The following ATG16L1 variants were observed in gnomAD, a reference collection of about 807,000 sequenced individuals.
ATG16L1 encodes autophagy related 16 like 1.
In ATG16L1, 37 loss-of-function variants were observed where a neutral mutation model predicts 88.5. The observed-to-expected ratio is 0.42, with a 90% CI of 0.32 to 0.55. The LOEUF (loss-of-function observed/expected upper bound fraction) is 0.55, where lower values mean the gene tolerates loss of function less well. Ranked by LOEUF, ATG16L1 falls within the 20% of genes least tolerant of loss-of-function variation. The pLI, the probability that ATG16L1 is intolerant of heterozygous loss-of-function variation, is 0.13. For synonymous variants in ATG16L1, 301 were observed against 281.0 expected (o/e 1.07, Z -0.71); for missense variants, 554 against 752.8 (o/e 0.74, Z 3.09).
At position 233,261,651 on chromosome 2, in the gene ATG16L1, G is replaced by A. The variant is rs534372317; in HGVS notation, c.210-1479G>A. 3.6e-5 allele frequency among the ~76,000 whole-genome samples: 5 copies of A among 137,004 alleles called. No individual in the cohort carries two copies. The South Asian group carries it at 7.7e-4, about 21-fold the overall frequency. 89.9% of individuals were successfully genotyped at this position (137,004 alleles called of 152,430 possible). ...TCATATGGAGGGGGCAGTTCTTTCC[G>A]CTCTCATCGGATGTTGGATGAGAGG... On this transcript the variant is annotated intron_variant, in intron 2 of 17. Coordinates refer to ENST00000392017, the MANE Select transcript of ATG16L1 (RefSeq NM_030803.7).
Position 233,293,328 on chromosome 2 carries a change from A to G in ATG16L1, c.1701A>G (p.Lys567=). ...SLYIWSVLTG[K]VEKVLSKQHS... is the part of the protein sequence containing the mutation. Reference sequence around the variant, plus strand: ...ATATCTGGAGTGTGCTCACAGGGAAAGTGGAAAAGGTTCTTTCAAAGCAGC... The same window carrying G: ...ATATCTGGAGTGTGCTCACAGGGAAGGTGGAAAAGGTTCTTTCAAAGCAGC... Residue 567 remains lysine, a synonymous_variant, in exon 17 of 18, where the codon AAA becomes AAG. Transcript: ENST00000392017. 6.2e-7 allele frequency: 1 copy of G among 1,614,178 alleles called. No homozygotes were observed. Among genetic ancestry groups the G allele is most frequent in the Non-Finnish European group, 8.5e-7 (1 of 1,180,040 alleles).
chr2:233,271,529 T>C (rs1350489436), intron 6 of ATG16L1, among the ~76,000 whole-genome samples: 3 of 152,248 alleles, frequency 2.0e-5, no homozygotes, highest in African/African-American at 7.2e-5. Context: ...CTGCCCGCCT[T>C]GGCCTCCCAA....
chr2:233,275,757 G>A (rs750148356), intron 9 of ATG16L1: 1 of 519,230 alleles, frequency 1.9e-6, no homozygotes, highest in South Asian at 1.4e-5. Context: ...AGGTCTGATT[G>A]CACTGAATGT....
chr2:233,289,383 G>GTT, intron 12 of ATG16L1, among the ~76,000 whole-genome samples: 1 of 143,776 alleles, frequency 7.0e-6, no homozygotes, highest in Non-Finnish European at 1.5e-5. Context: ...TGGGATGTGT[G>GTT]TGTGTGTGTG....
intron 1 of ATG16L1, among the ~76,000 whole-genome samples, chr2:233,254,529 G>C (rs1433435393): frequency 6.6e-6 from 1 of 152,196 alleles, no homozygotes; most frequent in Non-Finnish European, 1.5e-5. Flanking sequence ...GCCGTAGGGG[G>C]AGGGAAAGGC....
rs1699699158 is a variant in ATG16L1, at chr2:233,294,773, C to T, written c.*423C>T. The T allele has an allele frequency of 1.3e-5, 2 of 155,340 alleles. No individual in the cohort carries two copies. Among genetic ancestry groups the T allele is most frequent in the African/African-American group, 4.8e-5 (2 of 41,524 alleles). 9.6% of individuals were successfully genotyped at this position (155,340 alleles called of 1,614,324 possible). A position where few individuals can be genotyped will look rare whatever the true frequency, so the allele number is the denominator to read the frequency against. Reference sequence around the variant, plus strand: ...TTCTGGCCTAACGCATGTCCCAACACCTTGGGTTCATTTGCCCGGTGAACT... The same window carrying T: ...TTCTGGCCTAACGCATGTCCCAACATCTTGGGTTCATTTGCCCGGTGAACT... On this transcript the variant is annotated 3_prime_UTR_variant, in exon 18 of 18. Coordinates refer to ENST00000392017, the MANE Select transcript of ATG16L1 (RefSeq NM_030803.7).
rs139138060 is a variant in ATG16L1, at chr2:233,284,508, A to G, written c.1203+1755A>G. ...CACCACACCTGGCTAATTTTTTTGT[A>G]TTTTTAATGGAGATGGGGTTTCACC... On this transcript the variant is annotated intron_variant, in intron 12 of 17. Transcript: ENST00000392017. 3.5e-3 allele frequency among the ~76,000 whole-genome samples: 521 copies of G among 150,930 alleles called. 1 individual carries two copies. The highest frequency in any genetic ancestry group is 7.1e-3 in the Middle Eastern group (2 of 282).
At chr2:233,274,901 A>C in intron 9 of ATG16L1, 123 bp downstream of exon 9, 1 of 638,404 alleles carries the variant, frequency 1.6e-6, no homozygotes, top group East Asian at 3.1e-5. Flanking sequence ...AAGCCTTTCC[A>C]CCTTTTGGCT....
chr2:233,258,374 A>G (rs6431659), intron 2 of ATG16L1, among the ~76,000 whole-genome samples: 93,365 of 151,974 alleles, frequency 0.61, 28,928 homozygotes, highest in Non-Finnish European at 0.66. Flanking sequence ...TGGTCTCCTG[A>G]TAGAGGACAG....
intron 5 of ATG16L1, among the ~76,000 whole-genome samples, chr2:233,269,199 G>A (rs1369484547): frequency 2.0e-5 from 3 of 152,212 alleles, no homozygotes; most frequent in South Asian, 2.1e-4. Context: ...GACATTTCAA[G>A]AATCTCACTA....
At chr2:233,281,310 A>G (rs951953124) in intron 11 of ATG16L1, 135 bp downstream of exon 11, 4 of 683,368 alleles carry the variant, frequency 5.9e-6, no homozygotes, top group Admixed American at 3.5e-5. Context: ...TTAAAGAAAG[A>G]TGGAAATAGA....
chr2:233,282,643 T>A (rs374993917), intron 11 of ATG16L1, 39 bp from the exon 12 acceptor site: 2 of 1,560,570 alleles, frequency 1.3e-6, no homozygotes, highest in African/African-American at 2.7e-5. Context: ...TTCCTCTGAT[T>A]TGGCTAAAAA....
chr2:233,257,395 A>G (rs1434200039), intron 2 of ATG16L1, among the ~76,000 whole-genome samples: 1 of 152,192 alleles, frequency 6.6e-6, no homozygotes, highest in Non-Finnish European at 1.5e-5. Flanking sequence ...CTGTGCTTTG[A>G]GTATCCATCC....
At chr2:233,260,685 T>A (rs1473794004) in intron 2 of ATG16L1, among the ~76,000 whole-genome samples, 1 of 152,214 alleles carries the variant, frequency 6.6e-6, no homozygotes, top group Non-Finnish European at 1.5e-5. Context: ...TGGAAAGAGC[T>A]GTATCCTGCT....
chr2:233,257,713 A>G (rs1696891790), intron 2 of ATG16L1, among the ~76,000 whole-genome samples: 1 of 152,202 alleles, frequency 6.6e-6, no homozygotes, highest in African/African-American at 2.4e-5. Flanking sequence ...AGATTAGAAA[A>G]ATATCAGTGT....
At position 233,273,708 on chromosome 2, in the gene ATG16L1, C is replaced by T. The variant is rs771541752; in HGVS notation, c.795-13C>T. The T allele has an allele frequency of 4.3e-6, 7 of 1,613,678 alleles. No individual in the cohort carries two copies. The East Asian group carries it at 8.9e-5, about 21-fold the overall frequency. On this transcript the variant is annotated splice_polypyrimidine_tract_variant and intron_variant, in intron 7 of 17. Transcript: ENST00000392017. ...GTTTCTAAGGTTTAAACCTATCCTC[C>T]CCTCCTCTTTAGTAAGCGACTCTCG...
chr2:233,281,468 G>T (rs1698716235), intron 11 of ATG16L1, among the ~76,000 whole-genome samples: 1 of 152,128 alleles, frequency 6.6e-6, no homozygotes, highest in Non-Finnish European at 1.5e-5. Flanking sequence ...GGCCAGCGTG[G>T]TCTCTACCCT....
intron 5 of ATG16L1, among the ~76,000 whole-genome samples, chr2:233,265,465 T>C (rs1030463427): frequency 1.7e-4 from 26 of 152,228 alleles, no homozygotes; most frequent in African/African-American, 6.3e-4. Flanking sequence ...TCAGACTCAT[T>C]GATAGATTTT....
chr2:233,267,039 A>G (rs1026630603), intron 5 of ATG16L1, among the ~76,000 whole-genome samples: 16 of 152,280 alleles, frequency 1.1e-4, no homozygotes, highest in African/African-American at 3.6e-4. Flanking sequence ...GTAAATGGAT[A>G]TAAAAATACT....
Sources: allele counts gnomAD v4.1 joint callset (sites outside exome capture counted in the v4.1 genomes callset), GRCh38; gene constraint gnomAD v4.1.1; transcripts MANE v1.5; gene names NCBI Gene and HGNC (gene_info 2026-07-23, HGNC 2026-07-21).